Variants in ZNF350 observed in about 807,000 individuals in gnomAD.
ZNF350 encodes the protein KRAB zinc finger protein ZFQR.
A neutral mutation model predicts 13.1 loss-of-function variants in ZNF350; 5 were observed. The ratio of observed to expected loss-of-function variants is 0.38; its 90% CI spans 0.20 to 0.80. ZNF350 has a LOEUF of 0.80. Ranked by LOEUF, ZNF350 falls within the 30% of genes least tolerant of loss-of-function variation. ZNF350 has a pLI of 0.43. For synonymous variants in ZNF350, 199 were observed against 224.2 expected, an observed-to-expected ratio of 0.89 and a Z score of 1.00; for missense variants, 534 against 644.2, an observed-to-expected ratio of 0.83 and a Z score of 1.85.
intron 2 of ZNF350, among the ~76,000 whole-genome samples, chr19:51,969,532 A>G (rs142035287): frequency 6.6e-6 from 1 of 152,304 alleles, no homozygotes; most frequent in African/African-American, 2.4e-5. Flanking sequence ...GGTGTCTGAT[A>G]TAAAATGGCA....
chr19:51,970,391 C>A (rs1433358892), intron 2 of ZNF350, among the ~76,000 whole-genome samples: 1 of 152,056 alleles, frequency 6.6e-6, no homozygotes, highest in Non-Finnish European at 1.5e-5. Flanking sequence ...CTTTAGATTA[C>A]TTATAATATC....
At chr19:51,979,837 G>C (rs2085990224) in intron 1 of ZNF350, among the ~76,000 whole-genome samples, 1 of 152,214 alleles carries the variant, frequency 6.6e-6, no homozygotes, top group Non-Finnish European at 1.5e-5. Context: ...AGCTTTTAAT[G>C]CTTCTTCTTT....
In ZNF350 at chr19:51,968,680, A is replaced by G. The variant is rs541039036; in HGVS notation, c.143-7T>C. 1.9e-6 allele frequency: 3 copies of G among 1,613,560 alleles called. No homozygotes were observed. Among genetic ancestry groups the G allele is most frequent in the African/African-American group, 1.3e-5 (1 of 75,028 alleles). ...GGTTTGCTGGCTTGATACCCTGTTC[A>G]TGGAAAATGATAGAGGACTTAGACA... On this transcript the variant is annotated splice_region_variant and splice_polypyrimidine_tract_variant and intron_variant, in intron 3 of 4. Coordinates refer to ENST00000243644, the MANE Select transcript of ZNF350 (RefSeq NM_021632.4).
At position 51,966,216 on chromosome 19, in the gene ZNF350, TA is replaced by T; in HGVS notation, c.239-3del. 6.5e-7 allele frequency: 1 copy of T among 1,549,152 alleles called. No homozygotes were observed. Among genetic ancestry groups the T allele is most frequent in the Non-Finnish European group, 8.7e-7 (1 of 1,152,714 alleles). ...GCACATGATCAACTTTCCATATGTC[TA>T]GAAAGAAAAGAACAAAGATTTCTAT... On this transcript the variant is annotated splice_polypyrimidine_tract_variant and splice_region_variant and intron_variant, in intron 4 of 4. Coordinates refer to ENST00000243644, the MANE Select transcript of ZNF350 (RefSeq NM_021632.4).
chr19:51,967,568 A>G (rs142046380), intron 4 of ZNF350, among the ~76,000 whole-genome samples: 42 of 152,288 alleles, frequency 2.8e-4, no homozygotes, highest in African/African-American at 8.4e-4. Context: ...GATCACTGAA[A>G]TGAGAAATTT....
At chr19:51,969,603 AGGAG>A (rs2085678064) in intron 2 of ZNF350, among the ~76,000 whole-genome samples, 1 of 152,074 alleles carries the variant, frequency 6.6e-6, no homozygotes, top group African/African-American at 2.4e-5. Context: ...AGGCCAAGGC[AGGAG>A]GGTCACTCGA....
rs1417725514 is a variant in ZNF350, at chr19:51,964,799, T to TA, written c.*54dup. The TA allele has an allele frequency of 6.4e-7, 1 of 1,555,090 alleles. No homozygotes were observed. Among genetic ancestry groups the TA allele is most frequent in the East Asian group, 2.3e-5 (1 of 44,368 alleles). ...TCTCAGTGTATGCTTTTCGGCCACA[T>TA]AATGAACTACAAATTTTTGCTCAAC... is the stretch of plus-strand genomic sequence containing the variant. On this transcript the variant is annotated 3_prime_UTR_variant, in exon 5 of 5. Coordinates refer to ENST00000243644, the MANE Select transcript of ZNF350 (RefSeq NM_021632.4).
At chr19:51,966,319 C>T (rs556442620) in intron 4 of ZNF350, 105 bp from the exon 5 acceptor site, 728 of 1,225,716 alleles carry the variant, frequency 5.9e-4, no homozygotes, top group Admixed American at 1.3e-3. Context: ...AGTTTTACTC[C>T]GTTGTCCAGG....
chr19:51,978,287 GT>G (rs1257473088), intron 1 of ZNF350, among the ~76,000 whole-genome samples: 1 of 152,158 alleles, frequency 6.6e-6, no homozygotes, highest in Non-Finnish European at 1.5e-5. Flanking sequence ...AATCACATTA[GT>G]TAGGGGAGAC....
chr19:51,972,865 C>G (rs2085780512), intron 2 of ZNF350: 2 of 151,784 alleles, frequency 1.3e-5, no homozygotes, highest in Admixed American at 6.6e-5. Flanking sequence ...ATTGCCCAGG[C>G]TAGTCTCAAA....
intron 2 of ZNF350, 105 bp from the exon 3 acceptor site, chr19:51,969,236 C>A: frequency 7.3e-7 from 1 of 1,363,792 alleles, no homozygotes; most frequent in Non-Finnish European, 9.9e-7. Context: ...GTGCATATAC[C>A]AAATAGTTTT....
chr19:51,975,820 G>T (rs184597047), intron 1 of ZNF350, among the ~76,000 whole-genome samples: 2 of 152,148 alleles, frequency 1.3e-5, no homozygotes, highest in East Asian at 3.9e-4. Context: ...GGCCTCCCGG[G>T]TTCAAGCAAT....
chr19:51,969,262 T>C, intron 2 of ZNF350, 131 bp from the exon 3 acceptor site: 1 of 1,040,224 alleles, frequency 9.6e-7, no homozygotes, highest in Middle Eastern at 2.2e-4. Flanking sequence ...TAATACAATG[T>C]GGAAGAAGTA....
At chr19:51,971,503 T>C (rs1452744475) in intron 2 of ZNF350, among the ~76,000 whole-genome samples, 2 of 152,204 alleles carry the variant, frequency 1.3e-5, no homozygotes, top group Non-Finnish European at 2.9e-5. Context: ...AAACTGTTTA[T>C]CATGAATGCA....
intron 1 of ZNF350, chr19:51,980,792 C>G (rs1016433375): frequency 1.3e-5 from 2 of 152,150 alleles, no homozygotes; most frequent in Non-Finnish European, 2.9e-5. Context: ...GAATTTCAGC[C>G]TTCTTTAGAA....
rs904829507 is a variant in ZNF350 at position 51,980,758 on chromosome 19, A to C, written c.-172+6012T>G. Among the ~76,000 whole-genome samples the C allele has an allele frequency of 8.5e-5, 13 of 152,362 alleles. No homozygotes were observed. In the South Asian group the frequency reaches 2.1e-3, roughly 24 times the overall value. On this transcript the variant is annotated intron_variant, in intron 1 of 4. Coordinates refer to ENST00000243644, the MANE Select transcript of ZNF350 (RefSeq NM_021632.4). ...TATTGGTGAATTACAAAACAAAATTATTGATTTAAATAGGCAAACTCAAGA... is the reference window on the plus strand; with the variant it reads ...TATTGGTGAATTACAAAACAAAATTCTTGATTTAAATAGGCAAACTCAAGA...
intron 1 of ZNF350, among the ~76,000 whole-genome samples, chr19:51,978,726 A>G (rs1295489939): frequency 6.6e-6 from 1 of 152,216 alleles, no homozygotes; most frequent in African/African-American, 2.4e-5. Flanking sequence ...GCATGTTGAA[A>G]AAACAAAAAG....
Position 51,974,528 on chromosome 19 carries a change from G to GAACC in ZNF350, c.-171-1_-169dup. Reference sequence around the variant, plus strand: ...TATGTTTTTTGCTCCTGAGGAGTCAGAACCTGTGGGTTGAAGAGCAAATTC... The same window carrying GAACC: ...TATGTTTTTTGCTCCTGAGGAGTCAGAACCAACCTGTGGGTTGAAGAGCAAATTC... On this transcript the variant is annotated 5_prime_UTR_variant, in exon 2 of 5. Transcript: ENST00000243644. 1.4e-6 allele frequency: 1 copy of GAACC among 736,836 alleles called. No individual in the cohort carries two copies. Among genetic ancestry groups the GAACC allele is most frequent in the Non-Finnish European group, 2.3e-6 (1 of 443,118 alleles). 45.6% of individuals were successfully genotyped at this position (736,836 alleles called of 1,614,324 possible).
At chr19:51,968,734 G>C in intron 3 of ZNF350, 61 bp from the exon 4 acceptor site, 1 of 1,534,450 alleles carries the variant, frequency 6.5e-7, no homozygotes, top group Non-Finnish European at 9.0e-7. Context: ...ATGTCAAGAA[G>C]GAAGAATGTT....
Sources: gnomAD v4.1 joint callset for allele counts (sites outside exome capture counted in the v4.1 genomes callset) on GRCh38, gnomAD v4.1.1 for gene constraint, MANE v1.5 for transcripts, NCBI Gene and HGNC (gene_info 2026-07-23, HGNC 2026-07-21) for gene names.